Variants in BRAF observed in about 807,000 individuals in gnomAD.
BRAF encodes the protein B-Raf proto-oncogene, serine/threonine kinase, also known as serine/threonine-protein kinase B-raf.
A neutral mutation model predicts 104.6 loss-of-function variants in BRAF; 16 were observed. The observed-to-expected ratio is 0.15, with a 90% confidence interval of 0.10 to 0.23. BRAF has a LOEUF of 0.23. BRAF is among the 10% of genes least tolerant of loss of function. The probability of loss-of-function intolerance (pLI) is 1.00; values close to 1 mark genes in which losing one functional copy is unlikely to be tolerated. For synonymous variants in BRAF, 310 were observed against 341.6 expected (o/e 0.91, Z 1.02); for missense variants, 541 against 937.3 (o/e 0.58, Z 5.52).
At chr7:140,921,201 AT>A (rs1250678074) in intron 1 of BRAF, among the ~76,000 whole-genome samples, 1 of 152,216 alleles carries the variant, frequency 6.6e-6, no homozygotes, top group Non-Finnish European at 1.5e-5. Flanking sequence ...ACTTAAAAAA[AT>A]GTATTTATTA....
chr7:140,715,533 C>T (rs1454261060), downstream of BRAF, among the ~76,000 whole-genome samples: 1 of 152,110 alleles, frequency 6.6e-6, no homozygotes, highest in African/African-American at 2.4e-5. Context: ...ATCTCATTAG[C>T]CCCATTCCTT....
intron 19 of BRAF, among the ~76,000 whole-genome samples, chr7:140,728,764 G>A (rs1335544158): frequency 1.3e-5 from 2 of 152,050 alleles, no homozygotes; most frequent in African/African-American, 2.4e-5. Context: ...GAGTAATCAT[G>A]TATCTAGCCA....
rs1442498347 is a variant in BRAF, at chr7:140,722,824, T to G, written c.*3670A>C. The G allele has an allele frequency of 5.7e-6, 6 of 1,052,566 alleles. No individual in the cohort carries two copies. Among genetic ancestry groups the G allele is most frequent in the Non-Finnish European group, 6.9e-6 (6 of 871,332 alleles). The allele number at this position is 1,052,566 out of a possible 1,614,324, so 65.2% of individuals were successfully genotyped here. A position where few individuals can be genotyped will look rare whatever the true frequency, so the allele number is the denominator to read the frequency against. On this transcript the variant is annotated 3_prime_UTR_variant, in exon 20 of 20. Coordinates refer to ENST00000644969, the MANE Select transcript of BRAF (RefSeq NM_001374258.1). Reference sequence around the variant, plus strand: ...ACCACAGCTATTTAATTTCATGCAATTGACTCAAGGTTAAGATTCTGAAAC... The same window carrying G: ...ACCACAGCTATTTAATTTCATGCAAGTGACTCAAGGTTAAGATTCTGAAAC...
Position 140,781,542 on chromosome 7 carries a change from G to A in BRAF, c.1552+34C>T, listed in dbSNP as rs1800869152. ...AAAGTTGTTAAACATATCCTATTAT[G>A]ACTTGTCACAATGTCACCACATTAC... On this transcript the variant is annotated intron_variant, in intron 12 of 19. Coordinates refer to ENST00000644969, the MANE Select transcript of BRAF (RefSeq NM_001374258.1). 3 of 1,553,920 alleles carry A rather than the reference G, an allele frequency of 1.9e-6. No individual in the cohort carries two copies. Among genetic ancestry groups the A allele is most frequent in the Non-Finnish European group, 2.7e-6 (3 of 1,125,544 alleles).
Position 140,875,454 on chromosome 7 carries a change from C to A in BRAF, c.139-25242G>T, listed in dbSNP as rs184486543. 3.5e-3 allele frequency among the ~76,000 whole-genome samples: 526 copies of A among 152,334 alleles called. 9 individuals carry two copies. The highest frequency in any genetic ancestry group is 0.013 in the East Asian group (67 of 5,186). Reference sequence around the variant, plus strand: ...ACAATGGCGTGATCTCAGCTCAATGCAACCTCCGCCTCCCGGGCTCAAGCG... The same window carrying A: ...ACAATGGCGTGATCTCAGCTCAATGAAACCTCCGCCTCCCGGGCTCAAGCG... On this transcript the variant is annotated intron_variant, in intron 1 of 19. Transcript: ENST00000644969.
In BRAF at chr7:140,794,403, C is replaced by G; in HGVS notation, c.1045G>C (p.Ala349Pro). The change falls in exon 8 of 20, where the codon GCA (alanine) becomes CCA (proline). Residue 349 changes from alanine (A) to proline (P), a missense_variant. Transcript: ENST00000644969. ...SIPIPQPFRP[A>P]DEDHRNQFGQ... ...AATTGATTTCGATGATCTTCATCTG[C>G]TGGTCGGAAGGGCTGTGGAATTGGA... The G allele has an allele frequency of 6.2e-7, 1 of 1,613,772 alleles. No homozygotes were observed. Among genetic ancestry groups the G allele is most frequent in the Non-Finnish European group, 8.5e-7 (1 of 1,179,960 alleles).
At chr7:140,780,248 T>C (rs1229140112) in intron 12 of BRAF, 20 of 151,048 alleles carry the variant, frequency 1.3e-4, no homozygotes, top group Admixed American at 1.3e-3. Flanking sequence ...CACAGTCTTT[T>C]TTTTTTTTTT....
At chr7:140,835,331 C>A in intron 2 of BRAF, 1 of 175,758 alleles carries the variant, frequency 5.7e-6, no homozygotes, top group Non-Finnish European at 1.2e-5. Flanking sequence ...TTGAAAAGGA[C>A]ATGAGGTATT....
chr7:140,872,053 TA>T (rs889870980), intron 1 of BRAF, among the ~76,000 whole-genome samples: 4 of 152,048 alleles, frequency 2.6e-5, no homozygotes, highest in African/African-American at 9.6e-5. Context: ...CCGTTTCCAC[TA>T]AAAGTACAAA....
At position 140,722,863 on chromosome 7, in the gene BRAF, G is replaced by A. The variant is rs751439300; in HGVS notation, c.*3631C>T. ...AGATTCTGAAACGTACCCCTAAACC[G>A]GTTCTGGCACCACTTTCAACAACAT... On this transcript the variant is annotated 3_prime_UTR_variant, in exon 20 of 20. Coordinates refer to ENST00000644969, the MANE Select transcript of BRAF (RefSeq NM_001374258.1). 7.6e-6 allele frequency: 8 copies of A among 1,054,132 alleles called. No homozygotes were observed. The highest frequency in any genetic ancestry group is 4.2e-4 in the Middle Eastern group (1 of 2,362). 65.3% of individuals were successfully genotyped at this position (1,054,132 alleles called of 1,614,324 possible). A position where few individuals can be genotyped will look rare whatever the true frequency, so the allele number is the denominator to read the frequency against.
At chr7:140,862,525 G>A (rs1458668953) in intron 1 of BRAF, among the ~76,000 whole-genome samples, 2 of 152,160 alleles carry the variant, frequency 1.3e-5, no homozygotes, top group Non-Finnish European at 2.9e-5. Context: ...TGAGGCTAAG[G>A]CGGATGAATT....
At chr7:140,747,938 C>T (rs1287127911) in intron 17 of BRAF, among the ~76,000 whole-genome samples, 1 of 152,190 alleles carries the variant, frequency 6.6e-6, no homozygotes, top group Middle Eastern at 3.2e-3. Flanking sequence ...GATCCAAAGT[C>T]ATGTTGTTAC....
At chr7:140,798,262 C>CTTCTTTTTTCTT (rs1554402847) in intron 7 of BRAF, among the ~76,000 whole-genome samples, 1 of 32,622 alleles carries the variant, frequency 3.1e-5, no homozygotes, top group Admixed American at 3.9e-4. Flanking sequence ...TGTATGGGGA[C>CTTCTTTTTTCTT]TTTTTTTTTC....
At chr7:140,817,309 A>G (rs961032296) in intron 3 of BRAF, among the ~76,000 whole-genome samples, 2 of 152,246 alleles carry the variant, frequency 1.3e-5, no homozygotes, top group Non-Finnish European at 2.9e-5. Context: ...GAGAGAACAC[A>G]TGAAAAAATG....
intron 3 of BRAF, chr7:140,824,417 G>A (rs918262458): frequency 3.3e-5 from 5 of 152,120 alleles, no homozygotes; most frequent in African/African-American, 4.8e-5. Context: ...TTACTTCATG[G>A]AGTGGTCCTG....
intron 10 of BRAF, among the ~76,000 whole-genome samples, chr7:140,784,705 T>C (rs1017426108): frequency 2.6e-5 from 4 of 152,090 alleles, no homozygotes; most frequent in African/African-American, 9.6e-5. Context: ...AGTACAATGG[T>C]GTGATCTCGG....
chr7:140,860,240 C>T (rs907261964), intron 1 of BRAF, among the ~76,000 whole-genome samples: 2 of 151,814 alleles, frequency 1.3e-5, no homozygotes, highest in Admixed American at 1.3e-4. Context: ...TAAATATTTC[C>T]AGGGTAAGTG....
chr7:140,816,294 C>T (rs1804878065), intron 3 of BRAF, among the ~76,000 whole-genome samples: 1 of 152,154 alleles, frequency 6.6e-6, no homozygotes, highest in Non-Finnish European at 1.5e-5. Context: ...GGATCACCCT[C>T]TTTGATCACT....
intron 2 of BRAF, among the ~76,000 whole-genome samples, chr7:140,847,473 C>A (rs1314133637): frequency 1.3e-5 from 2 of 152,010 alleles, no homozygotes; most frequent in East Asian, 1.9e-4. Flanking sequence ...ATCCCAGCTA[C>A]TTGGGAGGCT....
Sources: gnomAD v4.1 joint callset for allele counts (sites outside exome capture counted in the v4.1 genomes callset) on GRCh38, gnomAD v4.1.1 for gene constraint, MANE v1.5 for transcripts, NCBI Gene and HGNC (gene_info 2026-07-23, HGNC 2026-07-21) for gene names.